Variants in PAPPA2 observed in about 807,000 individuals in gnomAD.
PAPPA2 encodes pappalysin-2.
Under a neutral mutation model 176.4 loss-of-function variants are expected in PAPPA2, and 86 were observed. That is an observed-to-expected ratio of 0.49 (90% CI 0.41 to 0.58). The LOEUF is 0.58. PAPPA2 is among the 20% of genes least tolerant of loss of function. The probability of loss-of-function intolerance (pLI) is 0.00; values close to 1 mark genes in which losing one functional copy is unlikely to be tolerated. For missense variants in PAPPA2, 2,073 were observed against 2,256.9 expected (o/e 0.92, Z 1.65); for synonymous variants, 809 against 852.2 (o/e 0.95, Z 0.88).
At position 176,595,242 on chromosome 1, in the gene PAPPA2, G is replaced by A. The variant is rs772369374; in HGVS notation, c.1638G>A (p.Gln546=). The A allele has an allele frequency of 3.7e-6, 6 of 1,614,234 alleles. No homozygotes were observed. In the East Asian group the frequency reaches 1.1e-4, roughly 30 times the overall value. ...TAAACCCCATTGTGAGTGAGGAGCAGATTCGTCTGCAGCACGAGGCACTGA... is the reference window on the plus strand; with the variant it reads ...TAAACCCCATTGTGAGTGAGGAGCAAATTCGTCTGCAGCACGAGGCACTGA... ...EGLNPIVSEE[Q]IRLQHEALNE... Residue 546 remains glutamine (Q), a synonymous_variant, in exon 3 of 23, where the codon CAG becomes CAA. Coordinates refer to ENST00000367662, the MANE Select transcript of PAPPA2 (RefSeq NM_020318.3).
At chr1:176,497,515 G>A (rs1647695213) in intron 1 of PAPPA2, among the ~76,000 whole-genome samples, 1 of 152,086 alleles carries the variant, frequency 6.6e-6, no homozygotes, top group Non-Finnish European at 1.5e-5. Context: ...GCCCCAAGGG[G>A]GATCTTTTTC....
chr1:176,766,669 A>T (rs979127334), intron 15 of PAPPA2, among the ~76,000 whole-genome samples: 2 of 152,230 alleles, frequency 1.3e-5, no homozygotes, highest in African/African-American at 4.8e-5. Context: ...GAGCATGATC[A>T]TGTATTCTCA....
intron 18 of PAPPA2, among the ~76,000 whole-genome samples, chr1:176,791,129 A>G (rs1379321593): frequency 1.3e-5 from 2 of 152,000 alleles, no homozygotes; most frequent in African/African-American, 4.8e-5. Flanking sequence ...TCATTAGTGG[A>G]AAAAAATTGT....
chr1:176,516,368 C>A (rs11800768), intron 1 of PAPPA2, among the ~76,000 whole-genome samples: 26,157 of 151,706 alleles, frequency 0.17, 2,417 homozygotes, highest in Middle Eastern at 0.28. Flanking sequence ...CCCACTCCCC[C>A]ATCCCCTGCC....
intron 1 of PAPPA2, among the ~76,000 whole-genome samples, chr1:176,474,179 G>A (rs1032986066): frequency 2.0e-5 from 3 of 152,208 alleles, no homozygotes; most frequent in Non-Finnish European, 2.9e-5. Flanking sequence ...AGTAACAAGT[G>A]TCAATTCCCA....
At chr1:176,619,228 G>C (rs1655446842) in intron 3 of PAPPA2, among the ~76,000 whole-genome samples, 1 of 152,154 alleles carries the variant, frequency 6.6e-6, no homozygotes, top group Admixed American at 6.5e-5. Context: ...GTGTGCCTTG[G>C]AGCTGCCTTA....
chr1:176,530,285 A>G (rs1649739989), intron 1 of PAPPA2, among the ~76,000 whole-genome samples: 1 of 152,242 alleles, frequency 6.6e-6, no homozygotes, highest in South Asian at 2.1e-4. Flanking sequence ...CTTTGGCTAA[A>G]GTCAGGAGCT....
At chr1:176,507,586 T>C (rs1171502132) in intron 1 of PAPPA2, among the ~76,000 whole-genome samples, 5 of 152,190 alleles carry the variant, frequency 3.3e-5, no homozygotes, top group African/African-American at 1.2e-4. Context: ...ATATACATCA[T>C]GGAATACTAC....
At chr1:176,531,716 A>G (rs529350538) in intron 1 of PAPPA2, among the ~76,000 whole-genome samples, 1 of 152,342 alleles carries the variant, frequency 6.6e-6, no homozygotes, top group African/African-American at 2.4e-5. Context: ...GGGGGTCTAG[A>G]TGTCAGTATT....
intron 1 of PAPPA2, among the ~76,000 whole-genome samples, chr1:176,550,853 A>G (rs1253457857): frequency 6.6e-6 from 1 of 152,208 alleles, no homozygotes; most frequent in African/African-American, 2.4e-5. Context: ...TCTGAGTTAT[A>G]GAACACATAT....
intron 11 of PAPPA2, among the ~76,000 whole-genome samples, 188 bp from the exon 12 acceptor site, chr1:176,711,647 A>C (rs1661150747): frequency 6.6e-6 from 1 of 152,136 alleles, no homozygotes; most frequent in African/African-American, 2.4e-5. Flanking sequence ...TACCCTTGTA[A>C]GTTATATCTT....
chr1:176,696,479 G>A (rs1410610145), intron 7 of PAPPA2, among the ~76,000 whole-genome samples: 1 of 152,124 alleles, frequency 6.6e-6, no homozygotes, highest in Non-Finnish European at 1.5e-5. Context: ...GCTCCAGGAA[G>A]GGGAAAATAT....
At chr1:176,519,621 C>T (rs1247237506) in intron 1 of PAPPA2, among the ~76,000 whole-genome samples, 3 of 152,106 alleles carry the variant, frequency 2.0e-5, no homozygotes, top group Non-Finnish European at 2.9e-5. Flanking sequence ...TGCATTGTCC[C>T]GAGTTGCTCA....
In PAPPA2 at chr1:176,719,037, T is replaced by G. The variant is rs1002558835; in HGVS notation, c.3798+7056T>G. Among the ~76,000 whole-genome samples the G allele has an allele frequency of 3.9e-5, 6 of 152,222 alleles. No individual in the cohort carries two copies. In the East Asian group the frequency reaches 9.6e-4, roughly 24 times the overall value. On this transcript the variant is annotated intron_variant, in intron 12 of 22. Coordinates refer to ENST00000367662, the MANE Select transcript of PAPPA2 (RefSeq NM_020318.3). ...CCTCCAAAAAAATCTTGGATTTGTA[T>G]GTTTCTCTTTTAGTTTTGTCATTTT...
In PAPPA2 at chr1:176,842,548, T is replaced by G; in HGVS notation, c.*94T>G. On this transcript the variant is annotated 3_prime_UTR_variant, in exon 23 of 23. Coordinates refer to ENST00000367662, the MANE Select transcript of PAPPA2 (RefSeq NM_020318.3). ...ACAAAGGGTGAATGAAGAAGAACAA[T>G]CATGAAATGGAAGAAGGAGGAAGAG... 1 of 1,138,640 alleles carries G rather than the reference T, an allele frequency of 8.8e-7. No individual in the cohort carries two copies. The highest frequency in any genetic ancestry group is 1.3e-6 in the Non-Finnish European group (1 of 770,928). The allele number at this position is 1,138,640 out of a possible 1,614,324, so 70.5% of individuals were successfully genotyped here.
intron 4 of PAPPA2, among the ~76,000 whole-genome samples, chr1:176,672,791 G>A (rs1659084787): frequency 6.6e-6 from 1 of 152,120 alleles, no homozygotes; most frequent in South Asian, 2.1e-4. Flanking sequence ...GGTTTCATTG[G>A]CTCTATAGTA....
intron 2 of PAPPA2, among the ~76,000 whole-genome samples, chr1:176,589,301 G>C (rs1214553404): frequency 6.6e-6 from 1 of 152,138 alleles, no homozygotes; most frequent in Non-Finnish European, 1.5e-5. Context: ...TGATAGTAGA[G>C]AACTGGATGC....
chr1:176,738,401 C>G (rs921997574), intron 12 of PAPPA2, among the ~76,000 whole-genome samples: 1 of 152,074 alleles, frequency 6.6e-6, no homozygotes, highest in African/African-American at 2.4e-5. Flanking sequence ...CAAATGAACT[C>G]TATAAACATA....
At chr1:176,655,820 C>A (rs987441223) in intron 3 of PAPPA2, among the ~76,000 whole-genome samples, 2 of 151,698 alleles carry the variant, frequency 1.3e-5, no homozygotes, top group Non-Finnish European at 2.9e-5. Flanking sequence ...ACACCGGTCC[C>A]CATAAATTAT....
Sources: allele counts gnomAD v4.1 joint callset (sites outside exome capture counted in the v4.1 genomes callset), GRCh38; gene constraint gnomAD v4.1.1; transcripts MANE v1.5; gene names NCBI Gene and HGNC (gene_info 2026-07-23, HGNC 2026-07-21).